The following ZFAND6 variants were observed in gnomAD, a reference collection of about 807,000 sequenced individuals.
ZFAND6 encodes AN1-type zinc finger protein 6.
A neutral mutation model predicts 24.5 loss-of-function variants in ZFAND6; 12 were observed. That is an observed-to-expected ratio of 0.49 (90% CI 0.31 to 0.79). ZFAND6 has a LOEUF of 0.79. ZFAND6 is among the 30% of genes least tolerant of loss of function. The pLI is 0.04. For synonymous variants in ZFAND6, 92 were observed against 81.5 expected (o/e 1.13, Z -0.69); for missense variants, 207 against 245.9 (o/e 0.84, Z 1.06).
At chr15:80,121,545 C>G (rs1201913973) in intron 3 of ZFAND6, among the ~76,000 whole-genome samples, 167 bp from the exon 4 acceptor site, 1 of 152,174 alleles carries the variant, frequency 6.6e-6, no homozygotes, top group East Asian at 1.9e-4. Flanking sequence ...ATATTTTTCA[C>G]TGGCAAACCG....
chr15:80,131,304 A>T lies in ZFAND6; in HGVS notation c.478+11A>T. 1 of 1,603,878 alleles carries T rather than the reference A, an allele frequency of 6.2e-7. No individual in the cohort carries two copies. The highest frequency in any genetic ancestry group is 8.5e-7 in the Non-Finnish European group (1 of 1,171,600). ...AAGTGGGACTTACTGGTAAGGACCT[A>T]AATCAAATGTTTAAAATTAAAATGA... On this transcript the variant is annotated intron_variant, in intron 6 of 6. Coordinates refer to ENST00000261749, the MANE Select transcript of ZFAND6 (RefSeq NM_019006.4).
chr15:80,101,057 AT>A (rs2141942791), intron 2 of ZFAND6, among the ~76,000 whole-genome samples: 1 of 152,372 alleles, frequency 6.6e-6, no homozygotes, highest in South Asian at 2.1e-4. Flanking sequence ...CATATTATAA[AT>A]GCTCAAAATA....
At chr15:80,126,429 G>A (rs2040372550) in intron 5 of ZFAND6, among the ~76,000 whole-genome samples, 1 of 152,190 alleles carries the variant, frequency 6.6e-6, no homozygotes, top group Admixed American at 6.5e-5. Flanking sequence ...GTACCGGCAT[G>A]AGGATAGTCA....
intron 3 of ZFAND6, among the ~76,000 whole-genome samples, chr15:80,121,428 G>A (rs2040140967): frequency 6.6e-6 from 1 of 152,164 alleles, no homozygotes; most frequent in African/African-American, 2.4e-5. Flanking sequence ...CTTGGAAGAT[G>A]TTTTTGAATT....
rs150700590 is a variant in ZFAND6, at chr15:80,117,788, A to G, written c.-17-2540A>G. Among the ~76,000 whole-genome samples the G allele has an allele frequency of 3.1e-3, 477 of 152,306 alleles. 2 individuals carry two copies. Among genetic ancestry groups the G allele is most frequent in the African/African-American group, 0.01 (433 of 41,566 alleles). On this transcript the variant is annotated intron_variant, in intron 2 of 6. Coordinates refer to ENST00000261749, the MANE Select transcript of ZFAND6 (RefSeq NM_019006.4). ...GCATGGTGATGAAGAGTTGACTACT[A>G]GTACAGTTGGGTGCCACTGCTTTGA... is the stretch of plus-strand genomic sequence containing the variant.
intron 1 of ZFAND6, among the ~76,000 whole-genome samples, chr15:80,062,200 A>G (rs2036372202): frequency 6.6e-6 from 1 of 152,212 alleles, no homozygotes; most frequent in African/African-American, 2.4e-5. Context: ...ATACTCATGT[A>G]AAAGAAACTT....
intron 1 of ZFAND6, among the ~76,000 whole-genome samples, chr15:80,067,675 G>C (rs2036723133): frequency 6.6e-6 from 1 of 152,108 alleles, no homozygotes; most frequent in Non-Finnish European, 1.5e-5. Context: ...TATGTGGCTA[G>C]TGGCGATTGT....
intron 1 of ZFAND6, among the ~76,000 whole-genome samples, chr15:80,076,755 C>T (rs2037307264): frequency 6.6e-6 from 1 of 152,194 alleles, no homozygotes; most frequent in African/African-American, 2.4e-5. Context: ...ACACACTGAG[C>T]TGTGTGCTTT....
In ZFAND6 at chr15:80,131,311, A is replaced by G; in HGVS notation, c.478+18A>G. 1 of 1,594,976 alleles carries G rather than the reference A, an allele frequency of 6.3e-7. No homozygotes were observed. Among genetic ancestry groups the G allele is most frequent in the African/African-American group, 1.3e-5 (1 of 74,552 alleles). On this transcript the variant is annotated intron_variant, in intron 6 of 6. Transcript: ENST00000261749. ...ACTTACTGGTAAGGACCTAAATCAA[A>G]TGTTTAAAATTAAAATGATGTTTTA...
At chr15:80,094,729 T>C (rs960942438) in intron 1 of ZFAND6, among the ~76,000 whole-genome samples, 1 of 152,152 alleles carries the variant, frequency 6.6e-6, no homozygotes, top group South Asian at 2.1e-4. Flanking sequence ...TAAGGAAATA[T>C]GCAGTTATCT....
chr15:80,080,698 CT>C (rs1298018425), intron 1 of ZFAND6, among the ~76,000 whole-genome samples: 1 of 152,152 alleles, frequency 6.6e-6, no homozygotes, highest in East Asian at 1.9e-4. Flanking sequence ...GCTCATGGTT[CT>C]TCAGGCTGTG....
rs185324969 is a variant in ZFAND6, at chr15:80,118,275, G to A, written c.-17-2053G>A. On this transcript the variant is annotated intron_variant, in intron 2 of 6. Coordinates refer to ENST00000261749, the MANE Select transcript of ZFAND6 (RefSeq NM_019006.4). Reference sequence around the variant, plus strand: ...GTAGCTGGGACTACAGGCACACGCCGCCACACCCGGCTAGTTTTTTTGTAT... The same window carrying A: ...GTAGCTGGGACTACAGGCACACGCCACCACACCCGGCTAGTTTTTTTGTAT... 2.1e-4 allele frequency among the ~76,000 whole-genome samples: 32 copies of A among 151,838 alleles called. No homozygotes were observed. The East Asian group carries it at 5.0e-3, about 24-fold the overall frequency.
At chr15:80,088,339 G>T (rs1054886394) in intron 1 of ZFAND6, among the ~76,000 whole-genome samples, 11 of 152,044 alleles carry the variant, frequency 7.2e-5, no homozygotes, top group African/African-American at 2.7e-4. Flanking sequence ...GGGCCAAGGT[G>T]GGTGGATTAC....
chr15:80,088,031 A>AT (rs967347351), intron 1 of ZFAND6, among the ~76,000 whole-genome samples: 3 of 152,190 alleles, frequency 2.0e-5, no homozygotes, highest in Non-Finnish European at 4.4e-5. Flanking sequence ...ACACAGTGTG[A>AT]TTAAGTTATC....
chr15:80,098,041 T>C (rs1214116028), intron 1 of ZFAND6, among the ~76,000 whole-genome samples: 1 of 152,190 alleles, frequency 6.6e-6, no homozygotes, highest in African/African-American at 2.4e-5. Context: ...CATGTATACT[T>C]GAGACTCTAA....
chr15:80,128,654 C>T (rs2040471072), intron 5 of ZFAND6, among the ~76,000 whole-genome samples: 2 of 152,192 alleles, frequency 1.3e-5, no homozygotes, highest in Non-Finnish European at 2.9e-5. Context: ...CTATTAGTTT[C>T]AAGTAAGCTG....
At chr15:80,126,790 T>C (rs1312899759) in intron 5 of ZFAND6, among the ~76,000 whole-genome samples, 1 of 152,206 alleles carries the variant, frequency 6.6e-6, no homozygotes, top group Admixed American at 6.5e-5. Flanking sequence ...TAAATTGAGC[T>C]ACATCAAAAT....
At chr15:80,097,192 G>GT (rs569236042) in intron 1 of ZFAND6, among the ~76,000 whole-genome samples, 29 of 151,654 alleles carry the variant, frequency 1.9e-4, no homozygotes, top group Non-Finnish European at 3.4e-4. Flanking sequence ...TAGAGACGGG[G>GT]TTTCACCATG....
intron 6 of ZFAND6, 31 bp from the exon 7 acceptor site, chr15:80,137,449 A>G: frequency 6.3e-7 from 1 of 1,579,624 alleles, no homozygotes; most frequent in Non-Finnish European, 8.5e-7. Flanking sequence ...TTCATCCTTC[A>G]ACTCATGTAT....
Sources: allele counts gnomAD v4.1 joint callset (sites outside exome capture counted in the v4.1 genomes callset), GRCh38; gene constraint gnomAD v4.1.1; transcripts MANE v1.5; gene names NCBI Gene and HGNC (gene_info 2026-07-23, HGNC 2026-07-21).